Variants in HSF2BP observed in about 807,000 individuals in gnomAD.
HSF2BP encodes the protein heat shock transcription factor 2 binding protein.
A neutral mutation model predicts 35.0 loss-of-function variants in HSF2BP; 35 were observed. The observed-to-expected ratio is 1.00, with a 90% CI of 0.76 to 1.32. The LOEUF is 1.32. HSF2BP is among the 40% of genes most tolerant of loss of function. The probability of loss-of-function intolerance (pLI) is 0.00; values close to 1 mark genes in which losing one functional copy is unlikely to be tolerated. For synonymous variants in HSF2BP, 114 were observed against 117.4 expected, an observed-to-expected ratio of 0.97 and a Z score of 0.18; for missense variants, 326 against 321.7, an observed-to-expected ratio of 1.01 and a Z score of -0.10.
chr21:43,580,301 C>T (rs376370135), intron 8 of HSF2BP, among the ~76,000 whole-genome samples: 2 of 152,154 alleles, frequency 1.3e-5, no homozygotes, highest in Non-Finnish European at 2.9e-5. Context: ...TCTCAATGTG[C>T]CTATGAGTTA....
chr21:43,604,423 ACAC>A (rs201861178), intron 7 of HSF2BP, among the ~76,000 whole-genome samples: 3,645 of 133,762 alleles, frequency 0.027, 179 homozygotes, highest in African/African-American at 0.096. Flanking sequence ...CACACCCCAC[ACAC>A]CACACCACAC....
intron 2 of HSF2BP, among the ~76,000 whole-genome samples, chr21:43,657,403 C>T (rs774084664): frequency 6.6e-6 from 1 of 152,134 alleles, no homozygotes; most frequent in Non-Finnish European, 1.5e-5. Context: ...TCAAAGAAAA[C>T]GCCTGCAACT....
chr21:43,627,436 GT>G (rs1174131015), intron 6 of HSF2BP, among the ~76,000 whole-genome samples: 1 of 152,076 alleles, frequency 6.6e-6, no homozygotes, highest in Non-Finnish European at 1.5e-5. Context: ...AAACTTACTT[GT>G]TTTTTTCTGT....
intron 8 of HSF2BP, among the ~76,000 whole-genome samples, chr21:43,575,791 A>G (rs895253530): frequency 1.3e-5 from 2 of 152,210 alleles, no homozygotes; most frequent in African/African-American, 4.8e-5. Flanking sequence ...GCACACTAAA[A>G]GACAGTGGTA....
chr21:43,653,762 TGAG>T (rs2082828667), intron 3 of HSF2BP, among the ~76,000 whole-genome samples: 1 of 151,984 alleles, frequency 6.6e-6, no homozygotes, highest in African/African-American at 2.4e-5. Flanking sequence ...AGAGTGGCAG[TGAG>T]GAGACCGCCA....
chr21:43,624,863 T>C (rs1379449009), intron 6 of HSF2BP, among the ~76,000 whole-genome samples: 1 of 152,140 alleles, frequency 6.6e-6, no homozygotes, highest in Non-Finnish European at 1.5e-5. Flanking sequence ...TGCCCTCTTA[T>C]CCAAGTTACT....
At chr21:43,607,901 C>T (rs369849026) in intron 7 of HSF2BP, among the ~76,000 whole-genome samples, 38 of 152,212 alleles carry the variant, frequency 2.5e-4, no homozygotes, top group African/African-American at 6.5e-4. Context: ...CATATGTAAA[C>T]GAATGAAACT....
At chr21:43,606,572 G>A (rs1455572950) in intron 7 of HSF2BP, among the ~76,000 whole-genome samples, 1 of 152,198 alleles carries the variant, frequency 6.6e-6, no homozygotes, top group Non-Finnish European at 1.5e-5. Flanking sequence ...ACAATGTGCA[G>A]GGTCTGGCCC....
At chr21:43,639,502 T>G (rs1462557585) in intron 4 of HSF2BP, among the ~76,000 whole-genome samples, 23 of 151,968 alleles carry the variant, frequency 1.5e-4, no homozygotes, top group Non-Finnish European at 4.4e-5. Flanking sequence ...GAAAAAAACA[T>G]TTCATAAAAG....
chr21:43,656,750 G>A lies in HSF2BP; in HGVS notation c.37-13C>T. On this transcript the variant is annotated splice_polypyrimidine_tract_variant and intron_variant, in intron 2 of 8. Coordinates refer to ENST00000291560, the MANE Select transcript of HSF2BP (RefSeq NM_007031.2). The stretch of plus-strand genomic sequence containing the variant: ...TAGTTCCCATGTGCTAAAAGAACAA[G>A]CAGATCTTATTATATTTCTCTTCAC... 6.2e-7 allele frequency: 1 copy of A among 1,600,394 alleles called. No individual in the cohort carries two copies. Among genetic ancestry groups the A allele is most frequent in the Non-Finnish European group, 8.5e-7 (1 of 1,175,788 alleles).
At chr21:43,581,916 G>A (rs1174989896) in intron 8 of HSF2BP, among the ~76,000 whole-genome samples, 1 of 143,990 alleles carries the variant, frequency 6.9e-6, no homozygotes, top group Non-Finnish European at 1.5e-5. Flanking sequence ...GCCCTGCTGT[G>A]GGAGATGAGG....
chr21:43,639,702 A>C (rs1325631376), intron 4 of HSF2BP, among the ~76,000 whole-genome samples: 3 of 152,222 alleles, frequency 2.0e-5, no homozygotes, highest in African/African-American at 7.2e-5. Flanking sequence ...AAAATGGTAC[A>C]GACACTCTGG....
intron 8 of HSF2BP, among the ~76,000 whole-genome samples, chr21:43,586,817 T>G (rs1416207758): frequency 6.6e-6 from 1 of 152,146 alleles, no homozygotes; most frequent in Non-Finnish European, 1.5e-5. Context: ...TATTTTTTTT[T>G]TTAATGAAGT....
At chr21:43,631,133 A>G (rs1016957349) in intron 5 of HSF2BP, among the ~76,000 whole-genome samples, 3 of 152,244 alleles carry the variant, frequency 2.0e-5, no homozygotes, top group African/African-American at 7.2e-5. Context: ...TACATTTACA[A>G]TCTTACAGTA....
At chr21:43,592,814 C>T (rs2081942891) in intron 7 of HSF2BP, among the ~76,000 whole-genome samples, 1 of 152,168 alleles carries the variant, frequency 6.6e-6, no homozygotes, top group Non-Finnish European at 1.5e-5. Context: ...AATACTACAA[C>T]CCAACCATCC....
chr21:43,641,248 C>T (rs2082632861), intron 4 of HSF2BP, among the ~76,000 whole-genome samples: 1 of 152,178 alleles, frequency 6.6e-6, no homozygotes, highest in Non-Finnish European at 1.5e-5. Flanking sequence ...ATCCGCCCAC[C>T]TCAGCCTCCC....
At chr21:43,631,628 C>T (rs1462130203) in intron 5 of HSF2BP, among the ~76,000 whole-genome samples, 3 of 152,114 alleles carry the variant, frequency 2.0e-5, no homozygotes. Flanking sequence ...AGTCTTCCCA[C>T]CTACAGAATG....
rs1386877663 is a variant in HSF2BP at position 43,573,667 on chromosome 21, G to A, written c.796+18558C>T. Among the ~76,000 whole-genome samples the A allele has an allele frequency of 3.9e-5, 6 of 152,272 alleles. No homozygotes were observed. In the East Asian group the frequency reaches 1.2e-3, roughly 29 times the overall value. ...TTGGTCTCTGCCTTCTCCCTCACAG[G>A]GGACAGACAAACTGTGCTGGTGGCG... On this transcript the variant is annotated intron_variant, in intron 8 of 8. Transcript: ENST00000291560.
chr21:43,626,899 G>A (rs1310516080), intron 6 of HSF2BP, among the ~76,000 whole-genome samples: 1 of 149,232 alleles, frequency 6.7e-6, no homozygotes, highest in Non-Finnish European at 1.5e-5. Context: ...ACGGAGTCTT[G>A]CTCTGTCACC....
Sources: allele counts gnomAD v4.1 joint callset (sites outside exome capture counted in the v4.1 genomes callset), GRCh38; gene constraint gnomAD v4.1.1; transcripts MANE v1.5; gene names NCBI Gene and HGNC (gene_info 2026-07-23, HGNC 2026-07-21).